MYO16: variants seen among roughly 807,000 people sequenced by gnomAD.
The protein encoded by MYO16 is unconventional myosin-XVI.
Under a neutral mutation model 205.3 loss-of-function variants are expected in MYO16, and 94 were observed. That is an observed-to-expected ratio of 0.46 (90% CI 0.39 to 0.54). The LOEUF (loss-of-function observed/expected upper bound fraction) is 0.54. Ranked by LOEUF, MYO16 falls within the 20% of genes least tolerant of loss-of-function variation. The pLI, the probability that MYO16 is intolerant of heterozygous loss-of-function variation, is 0.00. For synonymous variants in MYO16, 988 were observed against 954.0 expected, an observed-to-expected ratio of 1.04 and a Z score of -0.66; for missense variants, 2,315 against 2,387.5, an observed-to-expected ratio of 0.97 and a Z score of 0.63.
In MYO16 at chr13:109,002,418, G is replaced by A. The variant is rs1170398179; in HGVS notation, c.2443-6479G>A. Among the ~76,000 whole-genome samples the A allele has an allele frequency of 2.6e-5, 4 of 152,188 alleles. No individual in the cohort carries two copies. The East Asian group carries it at 7.7e-4, about 29-fold the overall frequency. On this transcript the variant is annotated intron_variant, in intron 21 of 34. Coordinates refer to ENST00000457511, the MANE Select transcript of MYO16 (RefSeq NM_001198950.3). The stretch of plus-strand genomic sequence containing the variant: ...GATGAGCCATCTGGATAAGCAATAA[G>A]TTTCCGTTCCTAAAGAGTGTGTTCC...
At chr13:108,972,166 C>T (rs1277495291) in intron 20 of MYO16, among the ~76,000 whole-genome samples, 1 of 133,058 alleles carries the variant, frequency 7.5e-6, no homozygotes, top group Non-Finnish European at 1.6e-5. Flanking sequence ...GTCATGATTG[C>T]ACCACTCCAC....
At chr13:108,676,296 AAAAATTTACATTAT>A (rs1882199887) in intron 2 of MYO16, among the ~76,000 whole-genome samples, 1 of 145,364 alleles carries the variant, frequency 6.9e-6, no homozygotes, top group Non-Finnish European at 1.6e-5. Flanking sequence ...ATTAAAAGGG[AAAAATTTACATTAT>A]TAAGGAGCGC....
upstream of MYO16, among the ~76,000 whole-genome samples, chr13:108,626,724 A>G (rs552498405): frequency 6.6e-6 from 1 of 151,950 alleles, no homozygotes; most frequent in Non-Finnish European, 1.5e-5. Flanking sequence ...GAATTGCTTG[A>G]AACCGGGAGG....
At chr13:109,103,241 G>A (rs1889026007) in intron 28 of MYO16, among the ~76,000 whole-genome samples, 1 of 152,138 alleles carries the variant, frequency 6.6e-6, no homozygotes, top group Admixed American at 6.5e-5. Flanking sequence ...GATATGTGTT[G>A]CTAATTACAG....
chr13:109,023,846 T>A (rs1886257463), intron 23 of MYO16, among the ~76,000 whole-genome samples: 1 of 137,838 alleles, frequency 7.3e-6, no homozygotes, highest in Non-Finnish European at 1.5e-5. Flanking sequence ...TAGATATTTA[T>A]ATTCAATAAA....
intron 4 of MYO16, among the ~76,000 whole-genome samples, chr13:108,782,968 T>G (rs955262686): frequency 2.0e-5 from 3 of 152,184 alleles, no homozygotes; most frequent in Non-Finnish European, 2.9e-5. Context: ...GGAGAACCTC[T>G]ACAGCAGTGC....
At chr13:108,895,823 C>T (rs961162849) in intron 14 of MYO16, among the ~76,000 whole-genome samples, 6 of 152,200 alleles carry the variant, frequency 3.9e-5, no homozygotes, top group South Asian at 2.1e-4. Flanking sequence ...GTGAGCAGGA[C>T]GGGAACATTG....
chr13:108,648,100 G>T (rs936011461), intron 1 of MYO16, among the ~76,000 whole-genome samples: 1 of 152,290 alleles, frequency 6.6e-6, no homozygotes, highest in Non-Finnish European at 1.5e-5. Flanking sequence ...TATGTGGTGA[G>T]CCAACTGCTT....
intron 1 of MYO16, among the ~76,000 whole-genome samples, chr13:108,659,034 T>C (rs1261753220): frequency 6.6e-6 from 1 of 151,778 alleles, no homozygotes; most frequent in Non-Finnish European, 1.5e-5. Context: ...TTTCCGGTAG[T>C]TGTACAGCAG....
intron 34 of MYO16, among the ~76,000 whole-genome samples, chr13:109,194,310 A>T (rs1880055750): frequency 1.3e-5 from 2 of 152,210 alleles, no homozygotes; most frequent in South Asian, 4.1e-4. Context: ...TGTAATTAAT[A>T]CATATAAAAA....
chr13:108,976,452 G>A (rs1313969369), intron 20 of MYO16, among the ~76,000 whole-genome samples: 1 of 152,068 alleles, frequency 6.6e-6, no homozygotes, highest in African/African-American at 2.4e-5. Context: ...TTTTATGTAT[G>A]TTTCCACTTT....
chr13:109,178,533 G>C (rs1185523002), intron 33 of MYO16, among the ~76,000 whole-genome samples: 1 of 152,206 alleles, frequency 6.6e-6, no homozygotes, highest in East Asian at 1.9e-4. Flanking sequence ...TATGCTTTCA[G>C]AGGAGAGTAG....
the MYO16 span, among the ~76,000 whole-genome samples, chr13:108,528,547 CTCT>C: frequency 8.2e-6 from 1 of 121,248 alleles, no homozygotes; most frequent in African/African-American, 4.4e-5. Flanking sequence ...TTTATTTTGT[CTCT>C]CCTCTCCTCT....
chr13:109,129,752 C>T (rs965550923), intron 31 of MYO16, among the ~76,000 whole-genome samples: 15 of 152,100 alleles, frequency 9.9e-5, no homozygotes, highest in Non-Finnish European at 1.9e-4. Flanking sequence ...TTGAAAATTG[C>T]AGCAAGTACA....
intron 27 of MYO16, among the ~76,000 whole-genome samples, chr13:109,071,583 C>T (rs1479301525): frequency 6.6e-6 from 1 of 152,124 alleles, no homozygotes; most frequent in Admixed American, 6.5e-5. Flanking sequence ...ATTATGTTCT[C>T]TGTTTTGAAA....
intron 1 of MYO16, among the ~76,000 whole-genome samples, chr13:108,608,705 C>T (rs1452989282): frequency 1.6e-4 from 24 of 151,962 alleles, no homozygotes; most frequent in African/African-American, 4.8e-4. Flanking sequence ...TGTGGTGGCA[C>T]GATCTCAGCT....
At chr13:108,956,743 G>C (rs74496107) in intron 16 of MYO16, among the ~76,000 whole-genome samples, 3,375 of 152,128 alleles carry the variant, frequency 0.022, 119 homozygotes, top group African/African-American at 0.077. Context: ...CCTGCCTTTC[G>C]CCACTGTGTT....
the MYO16 span, among the ~76,000 whole-genome samples, chr13:108,539,647 A>C: frequency 6.6e-6 from 1 of 152,096 alleles, no homozygotes; most frequent in African/African-American, 2.4e-5. Context: ...TGGCATGCTT[A>C]TGGAGAAAGC....
chr13:108,563,083 T>C, the MYO16 span, among the ~76,000 whole-genome samples: 1 of 152,246 alleles, frequency 6.6e-6, no homozygotes, highest in Non-Finnish European at 1.5e-5. Context: ...ACTCATTTCA[T>C]TGGCATGGAC....
Sources: allele counts gnomAD v4.1 joint callset (sites outside exome capture counted in the v4.1 genomes callset), GRCh38; gene constraint gnomAD v4.1.1; transcripts MANE v1.5; gene names NCBI Gene and HGNC (gene_info 2026-07-23, HGNC 2026-07-21).